The following PCDHGB6 variants were observed in gnomAD, a reference collection of about 807,000 sequenced individuals.
PCDHGB6 encodes the protein protocadherin gamma subfamily B, 6.
A neutral mutation model predicts 59.1 loss-of-function variants in PCDHGB6; 51 were observed. The observed-to-expected ratio is 0.86, with a 90% confidence interval of 0.69 to 1.09. The LOEUF (loss-of-function observed/expected upper bound fraction) is 1.09, where lower values mean the gene tolerates loss of function less well. Among genes scored for constraint, PCDHGB6 ranks in the 50% least tolerant of loss-of-function variants. The probability of loss-of-function intolerance (pLI) is 0.00; values close to 1 mark genes in which losing one functional copy is unlikely to be tolerated. For missense variants in PCDHGB6, 1,148 were observed against 1,205.1 expected (o/e 0.95, Z 0.70); for synonymous variants, 466 against 495.1 (o/e 0.94, Z 0.78).
intron 1 of PCDHGB6, among the ~76,000 whole-genome samples, chr5:141,447,233 G>A (rs565398752): frequency 2.6e-5 from 4 of 152,028 alleles, no homozygotes; most frequent in Non-Finnish European, 4.4e-5. Flanking sequence ...TCCGCCTCCC[G>A]GGTTCAAGTG....
chr5:141,489,359 AG>A lies in PCDHGB6; in HGVS notation c.2419-5447del. On this transcript the variant is annotated intron_variant, in intron 1 of 3. Coordinates refer to ENST00000520790, the MANE Select transcript of PCDHGB6 (RefSeq NM_018926.3). The surrounding 1 kb of genome is among the most constrained non-coding windows in gnomAD (Gnocchi z 4.5). ...CGTTACTCAGTGGTGGAGGAGTCTG[AG>A]CCGGGGACGCTGGTGGGGAATGTTG... 1 of 1,613,110 alleles carries A rather than the reference AG, an allele frequency of 6.2e-7. No homozygotes were observed. The highest frequency in any genetic ancestry group is 1.1e-5 in the South Asian group (1 of 90,984).
intron 1 of PCDHGB6, among the ~76,000 whole-genome samples, chr5:141,462,035 C>G (rs35674654): frequency 2.0e-5 from 3 of 152,076 alleles, no homozygotes; most frequent in Non-Finnish European, 4.4e-5. Context: ...GTTGGTCAGG[C>G]GGGTCTTGAA....
intron 2 of PCDHGB6, among the ~76,000 whole-genome samples, chr5:141,498,747 C>T (rs1363145286): frequency 6.6e-6 from 1 of 152,106 alleles, no homozygotes; most frequent in Non-Finnish European, 1.5e-5. Context: ...GCCTGGCCAA[C>T]ATGATGAAAC....
intron 2 of PCDHGB6, among the ~76,000 whole-genome samples, chr5:141,500,333 A>G (rs1237684682): frequency 6.6e-6 from 1 of 151,336 alleles, no homozygotes; most frequent in Non-Finnish European, 1.5e-5. Context: ...CTCAGCCTCC[A>G]GAATAGCTGG....
chr5:141,468,274 G>A (rs1461428449), intron 1 of PCDHGB6, among the ~76,000 whole-genome samples: 1 of 144,906 alleles, frequency 6.9e-6, no homozygotes, highest in Non-Finnish European at 1.5e-5. Flanking sequence ...GTGGTGAGCC[G>A]AGACCACGCC....
rs1404533394 is a variant in PCDHGB6, at chr5:141,491,708, G to T, written c.2419-3099G>T. ...CTGCGGGAGCGGAGCCAGGTGAGGG[G>T]CTCGGCGCCGCCCCGGGCGACCCCT... On this transcript the variant is annotated intron_variant, in intron 1 of 3. Transcript: ENST00000520790. The surrounding 1 kb of genome is among the most constrained non-coding windows in gnomAD (Gnocchi z 6.9). 1 of 1,610,132 alleles carries T rather than the reference G, an allele frequency of 6.2e-7. No individual in the cohort carries two copies. Among genetic ancestry groups the T allele is most frequent in the Admixed American group, 1.7e-5 (1 of 59,518 alleles).
intron 1 of PCDHGB6, among the ~76,000 whole-genome samples, chr5:141,456,206 T>C (rs966457070): frequency 6.6e-6 from 1 of 152,098 alleles, no homozygotes; most frequent in African/African-American, 2.4e-5. Context: ...ACCACATTCC[T>C]CCCTGTGGCG....
rs1399367534 is a variant in PCDHGB6 at position 141,487,098 on chromosome 5, A to G, written c.2419-7709A>G. 6.2e-7 allele frequency: 1 copy of G among 1,613,778 alleles called. No homozygotes were observed. The highest frequency in any genetic ancestry group is 8.5e-7 in the Non-Finnish European group (1 of 1,179,788). On this transcript the variant is annotated intron_variant, in intron 1 of 3. Transcript: ENST00000520790. The surrounding 1 kb of genome is among the most constrained non-coding windows in gnomAD (Gnocchi z 5.0). ...ATCCCAGCTGACCTCCCACCACAGA[A>G]GCTGGTCATTGTGGTAAAGGATAGT...
At position 141,431,321 on chromosome 5, in the gene PCDHGB6, G is replaced by T. The variant is rs112186927; in HGVS notation, c.2418+20701G>T. 1,258 of 1,614,054 alleles carry T rather than the reference G, an allele frequency of 7.8e-4. 11 individuals are homozygous for T. In the African/African-American group the frequency reaches 0.014, roughly 18 times the overall value. Reference sequence around the variant, plus strand: ...CCTCATCGTGCAAAATGGAGCCGACGGTAGTAAGTACCCCGAATTGGTGCT... The same window carrying T: ...CCTCATCGTGCAAAATGGAGCCGACTGTAGTAAGTACCCCGAATTGGTGCT... On this transcript the variant is annotated intron_variant, in intron 1 of 3. Transcript: ENST00000520790. This position sits in a 1 kb window ranked among gnomAD's most constrained non-coding sequence, Gnocchi z 4.8.
chr5:141,432,717 C>T lies in PCDHGB6; in HGVS notation c.2418+22097C>T. On this transcript the variant is annotated intron_variant, in intron 1 of 3. Transcript: ENST00000520790. The surrounding 1 kb of genome is among the most constrained non-coding windows in gnomAD (Gnocchi z 6.0). ...GCCGTCCAGGACCACGGCCAGCCCC[C>T]TCTCTCCGCCACTGTCACGCTCACC... 1 of 1,614,030 alleles carries T rather than the reference C, an allele frequency of 6.2e-7. No individual in the cohort carries two copies. Among genetic ancestry groups the T allele is most frequent in the Non-Finnish European group, 8.5e-7 (1 of 1,179,978 alleles).
intron 1 of PCDHGB6, among the ~76,000 whole-genome samples, chr5:141,492,408 C>T (rs1187024017): frequency 2.0e-5 from 3 of 152,244 alleles, no homozygotes; most frequent in African/African-American, 2.4e-5. Flanking sequence ...CTCCCCTCTG[C>T]CGCTCCCTCC....
At chr5:141,421,618 G>A (rs748399893) in intron 1 of PCDHGB6, 1 of 1,613,766 alleles carries the variant, frequency 6.2e-7, no homozygotes, top group African/African-American at 1.3e-5. Context: ...TAATGATAAC[G>A]CCCCCAGCTT....
At chr5:141,475,059 G>T (rs2099358742) in intron 1 of PCDHGB6, among the ~76,000 whole-genome samples, 1 of 152,180 alleles carries the variant, frequency 6.6e-6, no homozygotes, top group South Asian at 2.1e-4. Flanking sequence ...AAAGATTTGT[G>T]GAGCTTTGCT....
At chr5:141,484,071 T>C (rs1405337642) in intron 1 of PCDHGB6, among the ~76,000 whole-genome samples, 1 of 152,144 alleles carries the variant, frequency 6.6e-6, no homozygotes, top group Non-Finnish European at 1.5e-5. Flanking sequence ...GTGAAAAGCT[T>C]GCTCTTTTGA....
At chr5:141,422,344 C>A in intron 1 of PCDHGB6, 1 of 1,550,890 alleles carries the variant, frequency 6.4e-7, no homozygotes, top group Non-Finnish European at 8.7e-7. Flanking sequence ...TCTAAATGTG[C>A]AAGATCAAGA....
At chr5:141,510,062 G>GA (rs1448334820) in intron 3 of PCDHGB6, among the ~76,000 whole-genome samples, 1 of 152,150 alleles carries the variant, frequency 6.6e-6, no homozygotes. Flanking sequence ...TTGTGCATGT[G>GA]AAGCATCCAG....
At chr5:141,462,062 A>T (rs957948334) in intron 1 of PCDHGB6, among the ~76,000 whole-genome samples, 3 of 152,168 alleles carry the variant, frequency 2.0e-5, no homozygotes, top group African/African-American at 2.4e-5. Context: ...ACCTCAGGTG[A>T]TCTGCCCGCC....
chr5:141,439,354 C>G (rs746525653), intron 1 of PCDHGB6, among the ~76,000 whole-genome samples: 7 of 152,186 alleles, frequency 4.6e-5, no homozygotes, highest in Admixed American at 4.6e-4. Context: ...TACAAATACT[C>G]AAACATCAAG....
rs1562052190 is a variant in PCDHGB6, at chr5:141,476,218, CTA to C, written c.2419-18587_2419-18586del. The C allele has an allele frequency of 6.2e-7, 1 of 1,613,984 alleles. No individual in the cohort carries two copies. The highest frequency in any genetic ancestry group is 8.5e-7 in the Non-Finnish European group (1 of 1,180,024). ...TGAACAAGGCTTCCACGGTCATTCA[CTA>C]TGAGATCCCGGAGGAAAGAGAGAAG... On this transcript the variant is annotated intron_variant, in intron 1 of 3. Coordinates refer to ENST00000520790, the MANE Select transcript of PCDHGB6 (RefSeq NM_018926.3). This position sits in a 1 kb window ranked among gnomAD's most constrained non-coding sequence, Gnocchi z 7.6.
Sources: gnomAD v4.1 joint callset for allele counts (sites outside exome capture counted in the v4.1 genomes callset) on GRCh38, gnomAD v4.1.1 for gene constraint, Gnocchi (gnomAD v3.1) non-coding constraint, MANE v1.5 for transcripts, NCBI Gene and HGNC (gene_info 2026-07-23, HGNC 2026-07-21) for gene names.